The following BTBD9 variants were observed in gnomAD, a reference collection of about 807,000 sequenced individuals.
BTBD9 encodes the protein BTB domain containing 9.
BTBD9 carries 49 observed loss-of-function variants against 64.3 expected under a neutral mutation model. The ratio of observed to expected loss-of-function variants is 0.76; its 90% confidence interval spans 0.61 to 0.97. The LOEUF (loss-of-function observed/expected upper bound fraction) is 0.97, where lower values mean the gene tolerates loss of function less well. Ranked by LOEUF, BTBD9 falls within the 50% of genes least tolerant of loss-of-function variation. The probability of loss-of-function intolerance (pLI) is 0.00; values close to 1 mark genes in which losing one functional copy is unlikely to be tolerated. For missense variants in BTBD9, 598 were observed against 762.1 expected (o/e 0.78, Z 2.53); for synonymous variants, 260 against 274.7 (o/e 0.95, Z 0.53).
chr6:38,362,145 T>C (rs1371348314), intron 6 of BTBD9, among the ~76,000 whole-genome samples: 1 of 152,226 alleles, frequency 6.6e-6, no homozygotes, highest in Non-Finnish European at 1.5e-5. Flanking sequence ...ACTCCCATAG[T>C]GAACTATAAC....
intron 10 of BTBD9, among the ~76,000 whole-genome samples, chr6:38,177,285 T>C (rs1433771813): frequency 6.6e-6 from 1 of 152,212 alleles, no homozygotes; most frequent in Non-Finnish European, 1.5e-5. Context: ...ATGGTTTTTC[T>C]CTCCTTTTGC....
At chr6:38,261,988 G>A (rs945295598) in intron 8 of BTBD9, among the ~76,000 whole-genome samples, 3 of 152,140 alleles carry the variant, frequency 2.0e-5, no homozygotes, top group Non-Finnish European at 4.4e-5. Context: ...TGATTTGACT[G>A]AAAAAAGCAA....
intron 6 of BTBD9, among the ~76,000 whole-genome samples, chr6:38,453,236 A>G (rs1231137376): frequency 6.6e-6 from 1 of 152,204 alleles, no homozygotes; most frequent in Non-Finnish European, 1.5e-5. Flanking sequence ...CAGAAAATGG[A>G]AAGCTCTCCC....
intron 8 of BTBD9, among the ~76,000 whole-genome samples, chr6:38,258,035 G>C (rs1168893648): frequency 6.6e-6 from 1 of 151,808 alleles, no homozygotes; most frequent in African/African-American, 2.4e-5. Flanking sequence ...TCCTGGGCTG[G>C]AGTGTAATGG....
intron 6 of BTBD9, among the ~76,000 whole-genome samples, chr6:38,538,731 CAGAG>C (rs1325428461): frequency 6.6e-6 from 1 of 152,090 alleles, no homozygotes; most frequent in Non-Finnish European, 1.5e-5. Context: ...CCTTAGTCTC[CAGAG>C]TAGCTGGGAC....
chr6:38,273,743 T>G (rs1765273696), intron 8 of BTBD9, among the ~76,000 whole-genome samples: 1 of 152,178 alleles, frequency 6.6e-6, no homozygotes, highest in African/African-American at 2.4e-5. Flanking sequence ...TTACTCTTAC[T>G]GCCCTAGGAA....
intron 3 of BTBD9, 74 bp from the exon 4 acceptor site, chr6:38,592,914 C>G (rs934722552): frequency 6.7e-7 from 1 of 1,483,676 alleles, no homozygotes; most frequent in African/African-American, 1.4e-5. Flanking sequence ...TAAAAGCTTA[C>G]AGGACAAGTA....
chr6:38,402,874 A>C, intron 6 of BTBD9: 1 of 700,656 alleles, frequency 1.4e-6, no homozygotes. Context: ...TCGAGACCAG[A>C]GTGGGCACCA....
chr6:38,611,463 G>C (rs1216169576), intron 1 of BTBD9, among the ~76,000 whole-genome samples: 3 of 152,012 alleles, frequency 2.0e-5, no homozygotes, highest in African/African-American at 7.2e-5. Flanking sequence ...TAAAAACATA[G>C]ATGACCTCCT....
chr6:38,224,971 T>C (rs1012006189), intron 9 of BTBD9, among the ~76,000 whole-genome samples: 14 of 152,338 alleles, frequency 9.2e-5, no homozygotes, highest in African/African-American at 3.4e-4. Context: ...TCACACTTAG[T>C]TTAAGGTAAC....
intron 1 of BTBD9, among the ~76,000 whole-genome samples, chr6:38,619,077 G>A (rs767181443): frequency 2.6e-5 from 4 of 152,186 alleles, no homozygotes; most frequent in Non-Finnish European, 5.9e-5. Context: ...CTCAGGGAAA[G>A]GAAGAAAATC....
chr6:38,502,361 G>C (rs1472187147), intron 6 of BTBD9, among the ~76,000 whole-genome samples: 1 of 152,070 alleles, frequency 6.6e-6, no homozygotes, highest in Non-Finnish European at 1.5e-5. Context: ...CTTCATTTTG[G>C]TATAATATTT....
chr6:38,310,793 CTTTGTTTTGT>C (rs112925381), intron 7 of BTBD9, among the ~76,000 whole-genome samples: 51 of 151,038 alleles, frequency 3.4e-4, no homozygotes, highest in African/African-American at 8.7e-4. Context: ...ACCCTTCTAG[CTTTGTTTTGT>C]TTTGTTTTGT....
chr6:38,314,055 G>T (rs534310345), intron 7 of BTBD9, among the ~76,000 whole-genome samples: 4 of 151,704 alleles, frequency 2.6e-5, no homozygotes, highest in African/African-American at 9.7e-5. Flanking sequence ...AACTTTTAAT[G>T]TGATGTTGCT....
chr6:38,247,231 G>A (rs1376199795), intron 9 of BTBD9, among the ~76,000 whole-genome samples: 2 of 151,352 alleles, frequency 1.3e-5, no homozygotes, highest in African/African-American at 2.4e-5. Context: ...GCTATACTTT[G>A]GAAGACTTTA....
intron 6 of BTBD9, among the ~76,000 whole-genome samples, chr6:38,450,150 A>G (rs1057439201): frequency 6.6e-6 from 1 of 152,252 alleles, no homozygotes; most frequent in African/African-American, 2.4e-5. Context: ...GTTAAATGAA[A>G]TAAGCCAGGC....
chr6:38,393,909 C>T (rs1025178705), intron 6 of BTBD9, among the ~76,000 whole-genome samples: 1 of 152,024 alleles, frequency 6.6e-6, no homozygotes, highest in Non-Finnish European at 1.5e-5. Flanking sequence ...TTAATAGGGG[C>T]CTATTATCTG....
chr6:38,260,715 A>G (rs1272625808), intron 8 of BTBD9, among the ~76,000 whole-genome samples: 1 of 152,204 alleles, frequency 6.6e-6, no homozygotes, highest in African/African-American at 2.4e-5. Context: ...AGGTAATCTG[A>G]AATTCCAGTA....
intron 6 of BTBD9, among the ~76,000 whole-genome samples, chr6:38,552,689 C>A (rs1051916505): frequency 1.3e-5 from 2 of 151,496 alleles, no homozygotes; most frequent in Non-Finnish European, 1.5e-5. Context: ...ATTGCTTGAA[C>A]CCAGGAGGCG....
Sources: allele counts gnomAD v4.1 joint callset (sites outside exome capture counted in the v4.1 genomes callset), GRCh38; gene constraint gnomAD v4.1.1; transcripts MANE v1.5; gene names NCBI Gene and HGNC (gene_info 2026-07-23, HGNC 2026-07-21).